NKAIN3: variants seen among roughly 807,000 people sequenced by gnomAD.
NKAIN3 encodes the protein sodium/potassium transporting ATPase interacting 3.
In NKAIN3, 25 loss-of-function variants were observed where a neutral mutation model predicts 30.2. The ratio of observed to expected loss-of-function variants is 0.83; its 90% CI spans 0.60 to 1.16. The LOEUF (loss-of-function observed/expected upper bound fraction) is 1.16, where lower values mean the gene tolerates loss of function less well. NKAIN3 is among the 50% of genes most tolerant of loss of function. The pLI is 0.00. For synonymous variants in NKAIN3, 91 were observed against 89.6 expected (o/e 1.02, Z -0.09); for missense variants, 225 against 254.1 (o/e 0.89, Z 0.78).
chr8:62,741,307 G>A (rs1035444727), intron 3 of NKAIN3, among the ~76,000 whole-genome samples: 2 of 151,794 alleles, frequency 1.3e-5, no homozygotes, highest in Non-Finnish European at 2.9e-5. Flanking sequence ...AAGTGGGAAG[G>A]GGGAGAGGGA....
intron 1 of NKAIN3, among the ~76,000 whole-genome samples, chr8:62,441,506 A>C (rs746442732): frequency 6.6e-6 from 1 of 151,932 alleles, no homozygotes; most frequent in Non-Finnish European, 1.5e-5. Context: ...TGTAATTCCT[A>C]AATATTTTAT....
intron 4 of NKAIN3, among the ~76,000 whole-genome samples, chr8:62,812,392 G>C (rs1208571859): frequency 6.6e-6 from 1 of 151,780 alleles, no homozygotes; most frequent in East Asian, 1.9e-4. Context: ...GTTAAAAATT[G>C]CATCAAATCT....
intron 3 of NKAIN3, among the ~76,000 whole-genome samples, chr8:62,657,576 T>C (rs1330177980): frequency 6.6e-6 from 1 of 152,224 alleles, no homozygotes; most frequent in East Asian, 1.9e-4. Flanking sequence ...GGTTTACATA[T>C]TGCATTATCA....
intron 1 of NKAIN3, among the ~76,000 whole-genome samples, chr8:62,296,137 G>C (rs1194113354): frequency 6.6e-6 from 1 of 152,160 alleles, no homozygotes; most frequent in African/African-American, 2.4e-5. Context: ...TGTGTTTGGA[G>C]AAAAGAAGAG....
At chr8:62,788,293 G>C (rs1427342405) in intron 4 of NKAIN3, among the ~76,000 whole-genome samples, 2 of 151,734 alleles carry the variant, frequency 1.3e-5, no homozygotes, top group East Asian at 1.9e-4. Flanking sequence ...GGGCAGTGAT[G>C]ATGAGCATTT....
At chr8:62,326,758 C>G (rs1386802882) in intron 1 of NKAIN3, among the ~76,000 whole-genome samples, 2 of 151,900 alleles carry the variant, frequency 1.3e-5, no homozygotes, top group African/African-American at 4.8e-5. Flanking sequence ...CTGCCATGAA[C>G]ATGAGTATAC....
intron 1 of NKAIN3, among the ~76,000 whole-genome samples, chr8:62,264,413 C>G (rs1000586338): frequency 6.6e-6 from 1 of 152,182 alleles, no homozygotes; most frequent in Non-Finnish European, 1.5e-5. Flanking sequence ...AAATCAAATA[C>G]TTAAACTTCT....
chr8:62,990,921 G>T (rs1824306879), intron 5 of NKAIN3: 1 of 152,150 alleles, frequency 6.6e-6, no homozygotes, highest in Admixed American at 6.5e-5. Context: ...GTGATAGAGG[G>T]GAAAAGGATG....
At chr8:62,641,623 T>C (rs1238121923) in intron 3 of NKAIN3, among the ~76,000 whole-genome samples, 1 of 152,110 alleles carries the variant, frequency 6.6e-6, no homozygotes, top group Non-Finnish European at 1.5e-5. Context: ...CACAGAGAAA[T>C]GTTTCCTGGG....
intron 1 of NKAIN3, among the ~76,000 whole-genome samples, chr8:62,569,735 C>T (rs1809870901): frequency 6.7e-6 from 1 of 149,958 alleles, no homozygotes; most frequent in South Asian, 2.1e-4. Flanking sequence ...AAGATTGCAA[C>T]ACTGTACTCC....
intron 3 of NKAIN3, among the ~76,000 whole-genome samples, chr8:62,739,712 TA>T (rs1341814507): frequency 6.6e-6 from 1 of 152,102 alleles, no homozygotes; most frequent in Non-Finnish European, 1.5e-5. Flanking sequence ...AAAATGAAAA[TA>T]AAAGGCTCGA....
At chr8:62,639,183 G>A (rs956417154) in intron 3 of NKAIN3, among the ~76,000 whole-genome samples, 1 of 152,132 alleles carries the variant, frequency 6.6e-6, no homozygotes, top group Non-Finnish European at 1.5e-5. Flanking sequence ...TTGAGCCCTG[G>A]GAACTCCAAA....
chr8:62,628,881 T>A (rs1369076163), intron 3 of NKAIN3, among the ~76,000 whole-genome samples: 1 of 152,174 alleles, frequency 6.6e-6, no homozygotes, highest in Non-Finnish European at 1.5e-5. Flanking sequence ...TTTTTTAAAA[T>A]TTCTTCAATA....
intron 4 of NKAIN3, among the ~76,000 whole-genome samples, chr8:62,897,490 A>G (rs757749843): frequency 1.7e-4 from 26 of 152,274 alleles, no homozygotes; most frequent in Admixed American, 2.6e-4. Context: ...AAGAGTCCCA[A>G]TGGGGACATA....
Position 62,965,363 on chromosome 8 carries a change from A to T in NKAIN3, c.613A>T (p.Ser205Cys). ...GTATTTTCTGTTTTAGGTCGAAATA[A>T]GTAATGACATTGAACCAGAAATGCG... Reference protein sequence around the residue: ...ELKPVKPVEISNDIEPEMRLL... With the variant: ...ELKPVKPVEICNDIEPEMRLL... The change falls in exon 7 of 7, where the codon AGT becomes TGT. Residue 205 changes from serine (S) to cysteine (C), a missense_variant. Transcript: ENST00000623646. 1.0e-6 allele frequency: 1 copy of T among 985,762 alleles called. No individual in the cohort carries two copies. The highest frequency in any genetic ancestry group is 1.7e-5 in the African/African-American group (1 of 57,342). 61.1% of individuals were successfully genotyped at this position (985,762 alleles called of 1,614,324 possible).
Position 62,380,674 on chromosome 8 carries a change from C to A in NKAIN3, c.54+131547C>A, listed in dbSNP as rs60955558. Among the ~76,000 whole-genome samples, 1,036 of 152,278 alleles carry A rather than the reference C, an allele frequency of 6.8e-3. 12 individuals are homozygous for A. The highest frequency in any genetic ancestry group is 0.024 in the African/African-American group (986 of 41,564). On this transcript the variant is annotated intron_variant, in intron 1 of 6. Transcript: ENST00000623646. ...TAAAGTTTGTTAGATAAGCAAGCTC[C>A]CATGTCAACCTTCGAGTTTGCAAAT...
chr8:62,445,467 A>G lies in NKAIN3; in HGVS notation c.55-134072A>G, dbSNP rs188912069. Among the ~76,000 whole-genome samples, 67 of 152,282 alleles carry G rather than the reference A, an allele frequency of 4.4e-4. 1 individual carries two copies. The Middle Eastern group carries it at 0.024, about 54-fold the overall frequency. On this transcript the variant is annotated intron_variant, in intron 1 of 6. Coordinates refer to ENST00000623646, the MANE Select transcript of NKAIN3 (RefSeq NM_001304533.3). ...AGCCTCAGGTTAAATAAAATTGCCCACACAATAAATGCTGGGGCTGGACTT... is the reference window on the plus strand; with the variant it reads ...AGCCTCAGGTTAAATAAAATTGCCCGCACAATAAATGCTGGGGCTGGACTT...
intron 3 of NKAIN3, among the ~76,000 whole-genome samples, chr8:62,713,609 TG>T (rs1707030499): frequency 6.6e-6 from 1 of 152,202 alleles, no homozygotes; most frequent in South Asian, 2.1e-4. Context: ...TTATACAACA[TG>T]TCTATTATAA....
chr8:62,780,339 T>A (rs560647156), intron 4 of NKAIN3, among the ~76,000 whole-genome samples: 1 of 152,196 alleles, frequency 6.6e-6, no homozygotes, highest in African/African-American at 2.4e-5. Context: ...CAGACAGATT[T>A]ATCAATGAAT....
Sources: allele counts gnomAD v4.1 joint callset (sites outside exome capture counted in the v4.1 genomes callset), GRCh38; gene constraint gnomAD v4.1.1; transcripts MANE v1.5; gene names NCBI Gene and HGNC (gene_info 2026-07-23, HGNC 2026-07-21).